Variants in ITGAL observed in about 807,000 individuals in gnomAD.
ITGAL encodes integrin subunit alpha L, also known as integrin alpha-L.
A neutral mutation model predicts 138.4 loss-of-function variants in ITGAL; 68 were observed. The observed-to-expected ratio is 0.49, with a 90% CI of 0.40 to 0.60. The LOEUF is 0.60. Among genes scored for constraint, ITGAL ranks in the 20% least tolerant of loss-of-function variants. ITGAL has a pLI of 0.00. For synonymous variants in ITGAL, 561 were observed against 584.3 expected, an observed-to-expected ratio of 0.96 and a Z score of 0.57; for missense variants, 1,256 against 1,478.6, an observed-to-expected ratio of 0.85 and a Z score of 2.47.
At chr16:30,503,817 A>G in intron 17 of ITGAL, 1 of 172,366 alleles carries the variant, frequency 5.8e-6, no homozygotes, top group Non-Finnish European at 1.3e-5. Context: ...TCAAGGAACA[A>G]AATTCTAGAA....
rs12448332 is a variant in ITGAL at position 30,507,337 on chromosome 16, T to C, written c.2508+481T>C. On this transcript the variant is annotated intron_variant, in intron 21 of 30. Coordinates refer to ENST00000356798, the MANE Select transcript of ITGAL (RefSeq NM_002209.3). ...AGCCGGGCGAGGTGGCGGGCGCCTG[T>C]AGTCCCAGCTACTCGGGAGGCTGAG... 6.7e-3 allele frequency among the ~76,000 whole-genome samples: 1,018 copies of C among 151,794 alleles called. 26 individuals carry two copies. Among genetic ancestry groups the C allele is most frequent in the East Asian group, 0.053 (275 of 5,156 alleles).
At chr16:30,521,406 C>CAA (rs879311939) in intron 30 of ITGAL, 86 bp from the exon 31 acceptor site, 1,123 of 1,013,168 alleles carry the variant, frequency 1.1e-3, no homozygotes, top group Non-Finnish European at 1.3e-3. Context: ...GACTCCATCT[C>CAA]AAAAAAAAAA....
At chr16:30,499,296 G>T (rs1032773935) in intron 16 of ITGAL, 42 bp from the exon 17 acceptor site, 2 of 1,613,126 alleles carry the variant, frequency 1.2e-6, no homozygotes, top group Non-Finnish European at 1.7e-6. Context: ...TATGGCCTGG[G>T]ATCCCCCACC....
At chr16:30,517,125 G>A (rs1476676387) in intron 26 of ITGAL, 39 bp downstream of exon 26, 2 of 1,331,810 alleles carry the variant, frequency 1.5e-6, no homozygotes, top group South Asian at 2.5e-5. Context: ...ACCCTCCTCA[G>A]GTCTTGGGGG....
At chr16:30,516,902 G>A in intron 25 of ITGAL, 71 bp from the exon 26 acceptor site, 1 of 1,051,576 alleles carries the variant, frequency 9.5e-7, no homozygotes, top group African/African-American at 1.6e-5. Flanking sequence ...GCGTGCAAGG[G>A]CACACAGGGT....
chr16:30,502,789 G>T (rs1431902987), intron 17 of ITGAL, among the ~76,000 whole-genome samples: 3 of 150,428 alleles, frequency 2.0e-5, no homozygotes, highest in Non-Finnish European at 1.5e-5. Flanking sequence ...ATAGGATTGG[G>T]ACATAAGAAT....
chr16:30,496,165 C>T lies in ITGAL; in HGVS notation c.1572C>T (p.Ala524=), dbSNP rs765736172. 5.0e-6 allele frequency: 8 copies of T among 1,614,096 alleles called. No homozygotes were observed. The Admixed American group carries it at 1.2e-4, about 24-fold the overall frequency. ...ACCCACTCGGGCGGTTTGGAGAAGC[C>T]ATCACTGCTCTGACAGACATCAACG... ...PGYPLGRFGE[A]ITALTDINGD... Residue 524 remains alanine, a synonymous_variant, in exon 14 of 31, where the codon GCC becomes GCT. Coordinates refer to ENST00000356798, the MANE Select transcript of ITGAL (RefSeq NM_002209.3).
In ITGAL at chr16:30,479,313, T is replaced by G; in HGVS notation, c.446-18T>G. 3.1e-6 allele frequency: 5 copies of G among 1,613,850 alleles called. No homozygotes were observed. Among genetic ancestry groups the G allele is most frequent in the Non-Finnish European group, 4.2e-6 (5 of 1,179,864 alleles). On this transcript the variant is annotated intron_variant, in intron 5 of 30. Coordinates refer to ENST00000356798, the MANE Select transcript of ITGAL (RefSeq NM_002209.3). ...ACCAGAGATGCTTCACTGGGTCCCT[T>G]GCGTCTGGCTTCTGCAGAATGTATC...
intron 29 of ITGAL, 98 bp from the exon 30 acceptor site, chr16:30,519,759 C>A: frequency 1.3e-6 from 1 of 781,318 alleles, no homozygotes; most frequent in Non-Finnish European, 2.3e-6. Flanking sequence ...GCGGGTGATG[C>A]AGTCCGGATA....
chr16:30,487,577 A>AT (rs2050666261), intron 9 of ITGAL, among the ~76,000 whole-genome samples: 1 of 150,448 alleles, frequency 6.6e-6, no homozygotes, highest in South Asian at 2.1e-4. Flanking sequence ...ACCCAGATAA[A>AT]TTTTTTGTAT....
At position 30,496,539 on chromosome 16, in the gene ITGAL, G is replaced by A; in HGVS notation, c.1805G>A (p.Gly602Glu). ...GATGGCTTGGCAGATGTGGCTGTGG[G>A]GGCTGAGAGCCAGATGATCGTGCTG... ...EGDGLADVAV[G>E]AESQMIVLSS... is the part of the protein sequence containing the mutation. The change falls in exon 15 of 31, where the codon GGG (glycine) becomes GAG (glutamate). Residue 602 changes from glycine to glutamate, a missense_variant. Transcript: ENST00000356798. The A allele has an allele frequency of 1.2e-6, 2 of 1,613,904 alleles. No homozygotes were observed. The highest frequency in any genetic ancestry group is 1.7e-6 in the Non-Finnish European group (2 of 1,179,890).
rs200187095 is a variant in ITGAL, at chr16:30,505,200, G to C, written c.2236-44G>C. 38 of 1,516,526 alleles carry C rather than the reference G, an allele frequency of 2.5e-5. No homozygotes were observed. In the African/African-American group the frequency reaches 4.4e-4, roughly 18 times the overall value. The allele number at this position is 1,516,526 out of a possible 1,614,324, so 93.9% of individuals were successfully genotyped here. The stretch of plus-strand genomic sequence containing the variant: ...CTCCTTCATGAGGTCTGCTGCCTCA[G>C]TTAATCTCTCCTCTCTCCATCCTGC... On this transcript the variant is annotated intron_variant, in intron 18 of 30. Transcript: ENST00000356798.
intron 11 of ITGAL, among the ~76,000 whole-genome samples, chr16:30,492,497 C>T (rs1421644100): frequency 1.3e-5 from 2 of 151,410 alleles, no homozygotes; most frequent in Non-Finnish European, 2.9e-5. Flanking sequence ...GGTGATCCAC[C>T]CGCCTTGGGC....
Position 30,517,777 on chromosome 16 carries a change from G to T in ITGAL, c.3034-20G>T. 1 of 1,613,726 alleles carries T rather than the reference G, an allele frequency of 6.2e-7. No individual in the cohort carries two copies. Among genetic ancestry groups the T allele is most frequent in the South Asian group, 1.1e-5 (1 of 91,072 alleles). On this transcript the variant is annotated intron_variant, in intron 27 of 30. Coordinates refer to ENST00000356798, the MANE Select transcript of ITGAL (RefSeq NM_002209.3). ...GTCGGAATGAAGCCGCCCTGACCCCGCTTTCCTCATCCTTGTCAGCCTTGT... is the reference window on the plus strand; with the variant it reads ...GTCGGAATGAAGCCGCCCTGACCCCTCTTTCCTCATCCTTGTCAGCCTTGT...
intron 11 of ITGAL, among the ~76,000 whole-genome samples, chr16:30,491,744 C>T (rs2050726692): frequency 6.6e-6 from 1 of 152,062 alleles, no homozygotes; most frequent in African/African-American, 2.4e-5. Flanking sequence ...AATCCCCCTT[C>T]CTCAGCCTCC....
chr16:30,489,308 G>C lies in ITGAL; in HGVS notation c.1135G>C (p.Asp379His). The change falls in exon 11 of 31, where the codon GAC becomes CAC. Residue 379 changes from aspartate to histidine, a missense_variant. Asp to His is a moderately conservative substitution (Grantham distance 81, BLOSUM62 -1). Transcript: ENST00000356798. ...CAAGGACTGGGCTGGGGGCTTTCTT[G>C]ACCTGAAGGCAGACCTGCAGGATGA... Reference protein sequence around the residue: ...GAKDWAGGFLDLKADLQDDTF... With the variant: ...GAKDWAGGFLHLKADLQDDTF... 6.2e-7 allele frequency: 1 copy of C among 1,613,612 alleles called. No individual in the cohort carries two copies. The highest frequency in any genetic ancestry group is 8.5e-7 in the Non-Finnish European group (1 of 1,179,522).
intron 8 of ITGAL, 32 bp downstream of exon 8, chr16:30,483,991 T>G (rs2050598419): frequency 1.2e-6 from 2 of 1,601,880 alleles, no homozygotes; most frequent in East Asian, 2.2e-5. Flanking sequence ...GCATCATATC[T>G]TCCCTCTCCT....
chr16:30,493,857 A>T (rs1404923133), intron 11 of ITGAL, among the ~76,000 whole-genome samples: 1 of 152,166 alleles, frequency 6.6e-6, no homozygotes, highest in African/African-American at 2.4e-5. Context: ...ACGCCATTGC[A>T]TTCCAGCCTG....
chr16:30,495,671 A>C (rs1415177502), intron 13 of ITGAL, among the ~76,000 whole-genome samples: 2 of 152,090 alleles, frequency 1.3e-5, no homozygotes, highest in Non-Finnish European at 2.9e-5. Context: ...TTCTACAAAA[A>C]TAAAAATAAA....
Sources: gnomAD v4.1 joint callset for allele counts (sites outside exome capture counted in the v4.1 genomes callset) on GRCh38, gnomAD v4.1.1 for gene constraint, MANE v1.5 for transcripts, NCBI Gene and HGNC (gene_info 2026-07-23, HGNC 2026-07-21) for gene names.